ARHGAP10: variants seen among roughly 807,000 people sequenced by gnomAD.
ARHGAP10 encodes the protein Rho GTPase activating protein 10.
In ARHGAP10, 87 loss-of-function variants were observed where a neutral mutation model predicts 108.6. That is an observed-to-expected ratio of 0.80 (90% CI 0.67 to 0.96). The LOEUF (loss-of-function observed/expected upper bound fraction) is 0.96, where lower values mean the gene tolerates loss of function less well. Among genes scored for constraint, ARHGAP10 ranks in the 40% least tolerant of loss-of-function variants. ARHGAP10 has a pLI of 0.00. For missense variants in ARHGAP10, 939 were observed against 954.5 expected (o/e 0.98, Z 0.21); for synonymous variants, 347 against 341.1 (o/e 1.02, Z -0.19).
At chr4:147,881,784 T>A in intron 9 of ARHGAP10, 54 bp from the exon 10 acceptor site, 1 of 1,524,880 alleles carries the variant, frequency 6.6e-7, no homozygotes, top group Admixed American at 1.7e-5. Context: ...AATGGCTGAG[T>A]GTGTATATAC....
At chr4:148,045,138 T>C (rs894785117) in intron 19 of ARHGAP10, among the ~76,000 whole-genome samples, 2 of 152,182 alleles carry the variant, frequency 1.3e-5, no homozygotes, top group East Asian at 3.9e-4. Flanking sequence ...TTGGTTAGTG[T>C]GCAGCACTTA....
intron 15 of ARHGAP10, among the ~76,000 whole-genome samples, chr4:147,954,156 G>A (rs984438065): frequency 3.3e-5 from 5 of 152,014 alleles, no homozygotes; most frequent in Admixed American, 6.6e-5. Context: ...TATGCACTGG[G>A]AATGTGTGTT....
Position 147,882,076 on chromosome 4 carries a change from G to A in ARHGAP10, c.1034+144G>A, listed in dbSNP as rs796786409. ...TTTCCAGGCTGTGTGTTCATTATAA[G>A]CTGTTTAGTCTTGATCACCGGGTTT... is the stretch of plus-strand genomic sequence containing the variant. On this transcript the variant is annotated intron_variant, in intron 10 of 22. Transcript: ENST00000336498. 339 of 753,868 alleles carry A rather than the reference G, an allele frequency of 4.5e-4. 2 individuals carry two copies. In the South Asian group the frequency reaches 4.9e-3, roughly 11 times the overall value. The allele number at this position is 753,868 out of a possible 1,614,324, so 46.7% of individuals were successfully genotyped here.
chr4:148,021,243 T>G (rs966091766), intron 18 of ARHGAP10, among the ~76,000 whole-genome samples: 3 of 152,056 alleles, frequency 2.0e-5, no homozygotes, highest in African/African-American at 7.2e-5. Context: ...CTCTGCAGTT[T>G]GGGGTTGCCT....
At chr4:147,796,908 T>C (rs1194417086) in intron 1 of ARHGAP10, among the ~76,000 whole-genome samples, 1 of 152,210 alleles carries the variant, frequency 6.6e-6, no homozygotes, top group Non-Finnish European at 1.5e-5. Context: ...TCTTGTCTTT[T>C]CCCTCATGCC....
At chr4:147,875,226 T>C in intron 8 of ARHGAP10, 76 bp downstream of exon 8, 1 of 1,423,828 alleles carries the variant, frequency 7.0e-7, no homozygotes, top group Non-Finnish European at 9.3e-7. Context: ...TTCTTGCCAT[T>C]ACTGTGACAT....
intron 9 of ARHGAP10, 22 bp from the exon 10 acceptor site, chr4:147,881,816 T>C (rs1027899515): frequency 1.9e-6 from 3 of 1,610,596 alleles, no homozygotes; most frequent in Non-Finnish European, 2.5e-6. Flanking sequence ...GTTTTGAGAA[T>C]GTTCAAAATG....
At chr4:147,886,326 C>T (rs1489882159) in intron 10 of ARHGAP10, among the ~76,000 whole-genome samples, 2 of 152,192 alleles carry the variant, frequency 1.3e-5, no homozygotes, top group African/African-American at 4.8e-5. Flanking sequence ...TTAAGTTCCT[C>T]TCCTTCAGTG....
At position 148,060,344 on chromosome 4, in the gene ARHGAP10, A is replaced by ACTTTTTTTTTTTTTTTTTTTTTT. The variant is rs1411745355; in HGVS notation, c.2028-2804_2028-2803insCTTTTTTTTTTTTTTTTTTTTTT. On this transcript the variant is annotated intron_variant, in intron 20 of 22. Transcript: ENST00000336498. ...TGGTTACATAACGAAGCTCATGTTT[A>ACTTTTTTTTTTTTTTTTTTTTTT]GTTTTTTTTTTTTTTTTTTTTTGGC... 7.4e-5 allele frequency among the ~76,000 whole-genome samples: 9 copies of ACTTTTTTTTTTTTTTTTTTTTTT among 120,844 alleles called. 3 individuals carry two copies. The highest frequency in any genetic ancestry group is 8.8e-5 in the Non-Finnish European group (5 of 56,894). The allele number at this position is 120,844 out of a possible 152,430, so 79.3% of individuals were successfully genotyped here.
chr4:147,782,930 T>C (rs1204353791), intron 1 of ARHGAP10, among the ~76,000 whole-genome samples: 2 of 141,984 alleles, frequency 1.4e-5, no homozygotes, highest in Non-Finnish European at 3.0e-5. Context: ...TTATATAATA[T>C]ATAAAATTAT....
intron 13 of ARHGAP10, among the ~76,000 whole-genome samples, chr4:147,926,788 A>G (rs2126942595): frequency 6.6e-6 from 1 of 152,234 alleles, no homozygotes; most frequent in Admixed American, 6.5e-5. Flanking sequence ...AAGAGGGGAG[A>G]TTCCAAGAAG....
chr4:147,843,135 C>T (rs1560785987), intron 3 of ARHGAP10, among the ~76,000 whole-genome samples: 2 of 152,166 alleles, frequency 1.3e-5, no homozygotes, highest in African/African-American at 2.4e-5. Context: ...CCTTCTATCA[C>T]AGGGAAGGAA....
chr4:148,017,775 A>G lies in ARHGAP10; in HGVS notation c.1717-5488A>G, dbSNP rs564513418. On this transcript the variant is annotated intron_variant, in intron 18 of 22. Transcript: ENST00000336498. Reference sequence around the variant, plus strand: ...CTTAAGTATTTATTAATTCAGTTCAATCAAATGCAGCAGGTTTAAGTTGTG... The same window carrying G: ...CTTAAGTATTTATTAATTCAGTTCAGTCAAATGCAGCAGGTTTAAGTTGTG... 2.1e-4 allele frequency among the ~76,000 whole-genome samples: 32 copies of G among 151,914 alleles called. 1 individual carries two copies. In the South Asian group the frequency reaches 6.7e-3, roughly 32 times the overall value.
At chr4:147,929,172 A>G (rs1737575031) in intron 13 of ARHGAP10, among the ~76,000 whole-genome samples, 1 of 152,218 alleles carries the variant, frequency 6.6e-6, no homozygotes, top group South Asian at 2.1e-4. Flanking sequence ...TCATCTTTGT[A>G]CAGCTCTACT....
rs56740685 is a variant in ARHGAP10 at position 147,867,863 on chromosome 4, CAAAAAAAAAAAAAA to C, written c.702+1057_702+1070del. ...TGGGCGACAGAGTGAGACTCTGTCT[CAAAAAAAAAAAAAA>C]AAAAAAAAAGTTGAGAGTGAATACC... On this transcript the variant is annotated intron_variant, in intron 7 of 22. Coordinates refer to ENST00000336498, the MANE Select transcript of ARHGAP10 (RefSeq NM_024605.4). 1.4e-4 allele frequency among the ~76,000 whole-genome samples: 8 copies of C among 56,902 alleles called. 1 individual carries two copies. The highest frequency in any genetic ancestry group is 5.3e-4 in the East Asian group (1 of 1,888). The allele number at this position is 56,902 out of a possible 152,430, so 37.3% of individuals were successfully genotyped here.
chr4:148,054,430 C>T (rs565515149), intron 20 of ARHGAP10, among the ~76,000 whole-genome samples: 3 of 152,334 alleles, frequency 2.0e-5, no homozygotes, highest in Admixed American at 6.5e-5. Flanking sequence ...TCACTGCTCC[C>T]CTGAGAGCTC....
At chr4:147,885,656 T>G (rs2126877940) in intron 10 of ARHGAP10, among the ~76,000 whole-genome samples, 1 of 152,310 alleles carries the variant, frequency 6.6e-6, no homozygotes, top group Middle Eastern at 3.4e-3. Context: ...GTTATTCACG[T>G]TTGACCTCCT....
chr4:147,893,546 C>T (rs1271325173), intron 10 of ARHGAP10, among the ~76,000 whole-genome samples: 1 of 146,642 alleles, frequency 6.8e-6, no homozygotes, highest in Non-Finnish European at 1.5e-5. Flanking sequence ...ATATATATCA[C>T]ATGTATTTCA....
rs1183368987 is a variant in ARHGAP10, at chr4:147,783,180, AAAT to A, written c.155-39546_155-39544del. On this transcript the variant is annotated intron_variant, in intron 1 of 22. Transcript: ENST00000336498. ...TATTGTATAATTTATATAACACATT[AAAT>A]TATATATTGTATAATTTATATAACA... Among the ~76,000 whole-genome samples the A allele has an allele frequency of 3.9e-4, 32 of 82,844 alleles. 1 individual carries two copies. The highest frequency in any genetic ancestry group is 9.8e-4 in the South Asian group (3 of 3,074). The allele number at this position is 82,844 out of a possible 152,430, so 54.3% of individuals were successfully genotyped here. A position where few individuals can be genotyped will look rare whatever the true frequency, so the allele number is the denominator to read the frequency against.
Sources: gnomAD v4.1 joint callset for allele counts (sites outside exome capture counted in the v4.1 genomes callset) on GRCh38, gnomAD v4.1.1 for gene constraint, MANE v1.5 for transcripts, NCBI Gene and HGNC (gene_info 2026-07-23, HGNC 2026-07-21) for gene names.